HERC2: variants seen among roughly 807,000 people sequenced by gnomAD.
HERC2 encodes the protein E3 ubiquitin-protein ligase HERC2.
Under a neutral mutation model 537.7 loss-of-function variants are expected in HERC2, and 102 were observed. That is an observed-to-expected ratio of 0.19 (90% CI 0.16 to 0.22). HERC2 has a LOEUF of 0.22. Among genes scored for constraint, HERC2 ranks in the 10% least tolerant of loss-of-function variants. HERC2 has a pLI of 1.00. For synonymous variants in HERC2, 2,224 were observed against 2,466.2 expected (o/e 0.90, Z 2.91); for missense variants, 4,236 against 6,198.2 (o/e 0.68, Z 10.63).
chr15:28,281,855 AAG>A (rs2076027718), intron 4 of HERC2, among the ~76,000 whole-genome samples: 1 of 151,942 alleles, frequency 6.6e-6, no homozygotes, highest in Non-Finnish European at 1.5e-5. Flanking sequence ...GCCCTTCCTG[AAG>A]AGTCACTGCA....
rs1890562009 is a variant in HERC2 at position 28,135,655 on chromosome 15, C to T, written c.12053G>A (p.Gly4018Asp). ...GGACACCGACTCTGTCCCTCCAATG[C>T]CTAGTCTGCCACCTGCACCATACCC... is the stretch of plus-strand genomic sequence containing the variant. ...ATGYGAGGRL[G>D]IGGTESVSTP... is the part of the protein sequence containing the mutation. The change falls in exon 79 of 93, where the codon GGC becomes GAC. Residue 4018 changes from glycine to aspartate, a missense_variant. Transcript: ENST00000261609. 6.2e-7 allele frequency: 1 copy of T among 1,613,956 alleles called. No individual in the cohort carries two copies. The highest frequency in any genetic ancestry group is 1.3e-5 in the African/African-American group (1 of 74,906).
At position 28,201,566 on chromosome 15, in the gene HERC2, A is replaced by C. The variant is rs1256559881; in HGVS notation, c.7618-12T>G. On this transcript the variant is annotated splice_polypyrimidine_tract_variant and intron_variant, in intron 47 of 92. Transcript: ENST00000261609. The stretch of plus-strand genomic sequence containing the variant: ...ACAGCACCAGTAGACTGCAAGAAAT[A>C]AATACATTCAAACAAAAAAACAGGA... The C allele has an allele frequency of 7.7e-6, 12 of 1,551,652 alleles. No individual in the cohort carries two copies. The South Asian group carries it at 1.3e-4, about 17-fold the overall frequency.
intron 69 of HERC2, among the ~76,000 whole-genome samples, chr15:28,159,464 C>T (rs1051457917): frequency 1.7e-4 from 26 of 152,262 alleles, no homozygotes; most frequent in South Asian, 4.1e-4. Context: ...CTAAACTTCT[C>T]GCTTCATTTC....
rs745517208 is a variant in HERC2, at chr15:28,274,886, G to A, written c.643+19C>T. 1.1e-5 allele frequency: 17 copies of A among 1,589,560 alleles called. No individual in the cohort carries two copies. The highest frequency in any genetic ancestry group is 3.3e-5 in the South Asian group (3 of 90,630). On this transcript the variant is annotated intron_variant, in intron 6 of 92. Transcript: ENST00000261609. Reference sequence around the variant, plus strand: ...ATGTATTAGGGAAGCAGAACAACGCGCCACACCAGGGACCGTACCTGATCG... The same window carrying A: ...ATGTATTAGGGAAGCAGAACAACGCACCACACCAGGGACCGTACCTGATCG...
intron 72 of HERC2, 88 bp from the exon 73 acceptor site, chr15:28,144,323 C>G: frequency 7.2e-7 from 1 of 1,381,184 alleles, no homozygotes; most frequent in Non-Finnish European, 9.9e-7. Context: ...GTGGCTCCAC[C>G]CAGCCCCACC....
At chr15:28,139,098 T>C (rs930795320) in intron 78 of HERC2, among the ~76,000 whole-genome samples, 16 of 152,216 alleles carry the variant, frequency 1.1e-4, no homozygotes, top group Admixed American at 9.8e-4. Context: ...ACCAAGAAAT[T>C]TGTGTGACAT....
chr15:28,130,018 C>T, intron 83 of HERC2, 145 bp downstream of exon 83: 1 of 896,132 alleles, frequency 1.1e-6, no homozygotes, highest in Non-Finnish European at 1.7e-6. Flanking sequence ...CGTGATCCGC[C>T]TGCCTCAGCC....
intron 34 of HERC2, 75 bp downstream of exon 34, chr15:28,229,120 T>C (rs552573275): frequency 6.2e-6 from 8 of 1,281,690 alleles, no homozygotes; most frequent in Non-Finnish European, 9.1e-6. Flanking sequence ...AAAGCAAAAA[T>C]TGGCATTTGC....
chr15:28,111,657 G>A lies in HERC2; in HGVS notation c.*106C>T. On this transcript the variant is annotated 3_prime_UTR_variant, in exon 93 of 93. Coordinates refer to ENST00000261609, the MANE Select transcript of HERC2 (RefSeq NM_004667.6). ...CACTCCCTCCTCCCGCCTGGCTCGAGGACGGACGCTTCTCATCAGACACAC... is the reference window on the plus strand; with the variant it reads ...CACTCCCTCCTCCCGCCTGGCTCGAAGACGGACGCTTCTCATCAGACACAC... 8.0e-7 allele frequency: 1 copy of A among 1,254,500 alleles called. No individual in the cohort carries two copies. 77.7% of individuals were successfully genotyped at this position (1,254,500 alleles called of 1,614,324 possible).
intron 4 of HERC2, among the ~76,000 whole-genome samples, chr15:28,290,250 C>A (rs1283699796): frequency 6.6e-6 from 1 of 152,126 alleles, no homozygotes; most frequent in East Asian, 1.9e-4. Flanking sequence ...GTCAAGGATA[C>A]CTGAACACTA....
chr15:28,136,577 C>A (rs8033952), intron 78 of HERC2, among the ~76,000 whole-genome samples: 123,391 of 152,074 alleles, frequency 0.81, 52,013 homozygotes, highest in Non-Finnish European at 0.93. Flanking sequence ...TCAGCACTGA[C>A]AGGGAGACAG....
At chr15:28,223,102 C>T (rs1394579704) in intron 35 of HERC2, among the ~76,000 whole-genome samples, 1 of 152,092 alleles carries the variant, frequency 6.6e-6, no homozygotes, top group Non-Finnish European at 1.5e-5. Context: ...GTCTTGGAGA[C>T]CCCTGACAAT....
intron 14 of HERC2, among the ~76,000 whole-genome samples, chr15:28,264,778 T>C (rs1393411608): frequency 6.6e-6 from 1 of 152,116 alleles, no homozygotes; most frequent in Non-Finnish European, 1.5e-5. Context: ...CACTCAATAA[T>C]AGATATTTTA....
intron 52 of HERC2, 63 bp from the exon 53 acceptor site, chr15:28,192,214 A>G (rs1896919313): frequency 1.4e-6 from 2 of 1,383,472 alleles, no homozygotes; most frequent in African/African-American, 1.4e-5. Flanking sequence ...CATCATGATC[A>G]AGAATATTAC....
chr15:28,112,563 C>T (rs867374724), intron 92 of HERC2, among the ~76,000 whole-genome samples: 6 of 152,188 alleles, frequency 3.9e-5, no homozygotes, highest in African/African-American at 9.6e-5. Flanking sequence ...TGGACCCCAT[C>T]GATCCATCCG....
In HERC2 at chr15:28,172,167, A is replaced by G. The variant is rs570634139; in HGVS notation, c.10057+2228T>C. Among the ~76,000 whole-genome samples the G allele has an allele frequency of 7.8e-4, 119 of 152,288 alleles. 1 individual carries two copies. The highest frequency in any genetic ancestry group is 2.7e-3 in the African/African-American group (113 of 41,554). ...AAAAATAAAGAGAAACACTATGTTC[A>G]TGGGTTAGAAGACTGAATACTGTGA... On this transcript the variant is annotated intron_variant, in intron 65 of 92. Transcript: ENST00000261609.
chr15:28,166,587 G>C (rs942976958), intron 68 of HERC2, among the ~76,000 whole-genome samples: 3 of 152,208 alleles, frequency 2.0e-5, no homozygotes, highest in East Asian at 3.8e-4. Flanking sequence ...ATTCCAGGCA[G>C]GGGGAGGGTA....
At chr15:28,213,520 A>T in intron 42 of HERC2, 1 of 361,088 alleles carries the variant, frequency 2.8e-6, no homozygotes, top group South Asian at 1.2e-4. Flanking sequence ...AGGTTGCTAA[A>T]GCCCTCTTCG....
chr15:28,321,836 T>C (rs1381338594), intron 1 of HERC2, among the ~76,000 whole-genome samples: 1 of 144,714 alleles, frequency 6.9e-6, no homozygotes, highest in Non-Finnish European at 1.5e-5. Context: ...ATCTGCCGCT[T>C]TACCCCACAG....
Sources: allele counts gnomAD v4.1 joint callset (sites outside exome capture counted in the v4.1 genomes callset), GRCh38; gene constraint gnomAD v4.1.1; transcripts MANE v1.5; gene names NCBI Gene and HGNC (gene_info 2026-07-23, HGNC 2026-07-21).